CDYL2: variants seen among roughly 807,000 people sequenced by gnomAD.
The protein encoded by CDYL2 is chromodomain Y like 2.
In CDYL2, 23 loss-of-function variants were observed where a neutral mutation model predicts 49.4. The observed-to-expected ratio is 0.47, with a 90% confidence interval of 0.34 to 0.66. The LOEUF (loss-of-function observed/expected upper bound fraction) is 0.66. CDYL2 is among the 30% of genes least tolerant of loss of function. The probability of loss-of-function intolerance (pLI) is 0.01; values close to 1 mark genes in which losing one functional copy is unlikely to be tolerated. For missense variants in CDYL2, 678 were observed against 656.4 expected, an observed-to-expected ratio of 1.03 and a Z score of -0.36; for synonymous variants, 360 against 268.8, an observed-to-expected ratio of 1.34 and a Z score of -3.32.
chr16:80,720,242 C>A (rs1187076995), intron 1 of CDYL2, among the ~76,000 whole-genome samples: 2 of 152,108 alleles, frequency 1.3e-5, no homozygotes, highest in Non-Finnish European at 2.9e-5. Flanking sequence ...TGTGGACATG[C>A]CTGGATTCCG....
At chr16:80,781,247 G>C (rs1907257636) in intron 1 of CDYL2, among the ~76,000 whole-genome samples, 1 of 152,212 alleles carries the variant, frequency 6.6e-6, no homozygotes, top group Non-Finnish European at 1.5e-5. Flanking sequence ...AGTTGGAGAA[G>C]TTCTAACTGA....
chr16:80,693,479 T>A (rs1257211500), intron 1 of CDYL2, among the ~76,000 whole-genome samples: 2 of 152,228 alleles, frequency 1.3e-5, no homozygotes, highest in African/African-American at 4.8e-5. Context: ...AAAAAAGTTC[T>A]GTATGTGAAT....
At chr16:80,693,377 G>T (rs1451608452) in intron 1 of CDYL2, among the ~76,000 whole-genome samples, 1 of 151,972 alleles carries the variant, frequency 6.6e-6, no homozygotes, top group African/African-American at 2.4e-5. Flanking sequence ...ATGGAAATAA[G>T]GTCTATATTG....
At chr16:80,699,829 G>A (rs1400218108) in intron 1 of CDYL2, among the ~76,000 whole-genome samples, 1 of 151,836 alleles carries the variant, frequency 6.6e-6, no homozygotes, top group African/African-American at 2.4e-5. Flanking sequence ...AAGGTTGAAA[G>A]GTATGTGGAA....
intron 1 of CDYL2, among the ~76,000 whole-genome samples, chr16:80,733,782 A>C (rs1331753965): frequency 6.6e-6 from 1 of 152,182 alleles, no homozygotes. Flanking sequence ...ATTGCCTTTA[A>C]CCAGAACTAT....
Position 80,799,903 on chromosome 16 carries a change from T to C in CDYL2, c.24+4247A>G, listed in dbSNP as rs927201978. On this transcript the variant is annotated intron_variant, in intron 1 of 6. Coordinates refer to ENST00000570137, the MANE Select transcript of CDYL2 (RefSeq NM_152342.4). ...AGATAGCTGCCTCTTCAAATACTGG[T>C]ACAGAGATTCAAGAAGCTGTACCAC... Among the ~76,000 whole-genome samples the C allele has an allele frequency of 4.6e-5, 7 of 152,216 alleles. No individual in the cohort carries two copies. The South Asian group carries it at 1.2e-3, about 27-fold the overall frequency.
intron 2 of CDYL2, chr16:80,639,780 T>C (rs181048687): frequency 8.8e-6 from 4 of 454,570 alleles, no homozygotes; most frequent in East Asian, 7.0e-5. Context: ...AGTAGTGTGG[T>C]ATGGAAAGCA....
At chr16:80,736,416 T>C (rs1292781179) in intron 1 of CDYL2, 1 of 152,186 alleles carries the variant, frequency 6.6e-6, no homozygotes, top group Admixed American at 6.5e-5. Flanking sequence ...AATTTTTAAT[T>C]TACGAAGCCC....
At chr16:80,700,487 T>C (rs1904294838) in intron 1 of CDYL2, among the ~76,000 whole-genome samples, 1 of 151,864 alleles carries the variant, frequency 6.6e-6, no homozygotes, top group Non-Finnish European at 1.5e-5. Context: ...GAAAAAGAAG[T>C]TAAAAATGGG....
chr16:80,756,137 C>T (rs965862468), intron 1 of CDYL2, among the ~76,000 whole-genome samples: 1 of 152,016 alleles, frequency 6.6e-6, no homozygotes, highest in Non-Finnish European at 1.5e-5. Flanking sequence ...AAACTAAACG[C>T]ACCAGTGGTC....
At chr16:80,791,641 G>C (rs1185836850) in intron 1 of CDYL2, among the ~76,000 whole-genome samples, 1 of 152,150 alleles carries the variant, frequency 6.6e-6, no homozygotes, top group Non-Finnish European at 1.5e-5. Context: ...ACAAGGATTG[G>C]TAACGGACAG....
At chr16:80,708,027 T>C (rs965123542) in intron 1 of CDYL2, among the ~76,000 whole-genome samples, 3 of 152,318 alleles carry the variant, frequency 2.0e-5, no homozygotes, top group Admixed American at 6.5e-5. Context: ...TCACACTCTT[T>C]AGGGGTGGGG....
rs1905968037 is a variant in CDYL2, at chr16:80,599,154, T to A, written c.*5234A>T. 6.6e-6 allele frequency: 1 copy of A among 152,084 alleles called. No individual in the cohort carries two copies. 9.4% of individuals were successfully genotyped at this position (152,084 alleles called of 1,614,324 possible). A position where few individuals can be genotyped will look rare whatever the true frequency, so the allele number is the denominator to read the frequency against. On this transcript the variant is annotated 3_prime_UTR_variant, in exon 7 of 7. Transcript: ENST00000570137. ...AGATGTTGGATCAATGATATAAGGT[T>A]AAGCCATAAAAACACCAGAGGTGAA...
rs1187898995 is a variant in CDYL2, at chr16:80,763,208, G to C, written c.24+40942C>G. ...CAGCATTTGCTAATCCGGTGTTCGA[G>C]GGCAACTTTATAGAATGTAATAAAG... On this transcript the variant is annotated intron_variant, in intron 1 of 6. Transcript: ENST00000570137. Among the ~76,000 whole-genome samples the C allele has an allele frequency of 8.9e-4, 5 of 5,626 alleles. No individual in the cohort carries two copies. The Admixed American group carries it at 9.9e-3, about 11-fold the overall frequency. 3.7% of individuals were successfully genotyped at this position (5,626 alleles called of 152,430 possible). A position where few individuals can be genotyped will look rare whatever the true frequency, so the allele number is the denominator to read the frequency against.
intron 1 of CDYL2, among the ~76,000 whole-genome samples, chr16:80,724,145 G>A (rs1302404177): frequency 6.7e-6 from 1 of 149,364 alleles, no homozygotes; most frequent in East Asian, 2.0e-4. Context: ...AGATAAAAAA[G>A]AAGAGAAAGA....
At chr16:80,677,591 C>G (rs894775502) in intron 2 of CDYL2, among the ~76,000 whole-genome samples, 2 of 151,778 alleles carry the variant, frequency 1.3e-5, no homozygotes, top group Admixed American at 6.6e-5. Flanking sequence ...CAAAAAAAAT[C>G]AGCTGGGCAT....
chr16:80,720,778 T>C (rs1396886362), intron 1 of CDYL2, among the ~76,000 whole-genome samples: 1 of 152,210 alleles, frequency 6.6e-6, no homozygotes, highest in Non-Finnish European at 1.5e-5. Flanking sequence ...AAGATTTCAG[T>C]AGGCTGGCCT....
chr16:80,753,365 T>C (rs1283721370), intron 1 of CDYL2, among the ~76,000 whole-genome samples: 2 of 152,186 alleles, frequency 1.3e-5, no homozygotes, highest in South Asian at 4.2e-4. Context: ...CCCCAGCATT[T>C]TGGTAGGGCG....
At chr16:80,618,164 C>T (rs150532294) in intron 4 of CDYL2, among the ~76,000 whole-genome samples, 2 of 152,374 alleles carry the variant, frequency 1.3e-5, no homozygotes, top group East Asian at 3.9e-4. Context: ...GCCCTGTGCT[C>T]TGCCTAAGGG....
Sources: allele counts gnomAD v4.1 joint callset (sites outside exome capture counted in the v4.1 genomes callset), GRCh38; gene constraint gnomAD v4.1.1; transcripts MANE v1.5; gene names NCBI Gene and HGNC (gene_info 2026-07-23, HGNC 2026-07-21).